PLEKHA8: variants seen among roughly 807,000 people sequenced by gnomAD.
PLEKHA8 encodes pleckstrin homology domain-containing family A member 8.
Under a neutral mutation model 68.2 loss-of-function variants are expected in PLEKHA8, and 36 were observed. The ratio of observed to expected loss-of-function variants is 0.53; its 90% CI spans 0.40 to 0.70. The LOEUF (loss-of-function observed/expected upper bound fraction) is 0.70, where lower values mean the gene tolerates loss of function less well. PLEKHA8 is among the 30% of genes least tolerant of loss of function. The pLI is 0.00. For synonymous variants in PLEKHA8, 211 were observed against 216.1 expected (o/e 0.98, Z 0.20); for missense variants, 505 against 615.4 (o/e 0.82, Z 1.90).
chr7:30,123,961 A>T (rs763895188), intron 13 of PLEKHA8, among the ~76,000 whole-genome samples: 1 of 152,212 alleles, frequency 6.6e-6, no homozygotes, highest in Non-Finnish European at 1.5e-5. Flanking sequence ...TTAACTTTAT[A>T]TACTTTTGCT....
At chr7:30,085,099 C>T (rs992306674), downstream of PLEKHA8, among the ~76,000 whole-genome samples, 1 of 151,954 alleles carries the variant, frequency 6.6e-6, no homozygotes, top group Non-Finnish European at 1.5e-5. Context: ...CATGTGCTAC[C>T]ATGTCTGACT....
downstream of PLEKHA8, chr7:30,129,959 G>A (rs192888197): frequency 2.2e-3 from 335 of 153,382 alleles, 1 homozygote; most frequent in Non-Finnish European, 3.6e-3. Flanking sequence ...CACCATCTGG[G>A]GCAGGCTTTA....
chr7:30,065,884 C>G (rs1304282668), intron 12 of PLEKHA8, among the ~76,000 whole-genome samples: 3 of 152,216 alleles, frequency 2.0e-5, no homozygotes, highest in Non-Finnish European at 4.4e-5. Context: ...TCAGCAGCAT[C>G]TTTATCACCT....
chr7:30,055,171 A>G (rs1297348072), intron 8 of PLEKHA8, 86 bp from the exon 9 acceptor site: 14 of 1,183,704 alleles, frequency 1.2e-5, no homozygotes, highest in Non-Finnish European at 1.1e-5. Context: ...ACAGAGAGGC[A>G]GCTGTGTCTA....
rs199931865 is a variant in PLEKHA8 at position 30,062,712 on chromosome 7, A to G, written c.1270A>G (p.Asn424Asp). 2 of 1,613,502 alleles carry G rather than the reference A, an allele frequency of 1.2e-6. No individual in the cohort carries two copies. The highest frequency in any genetic ancestry group is 1.7e-6 in the Non-Finnish European group (2 of 1,179,494). The change falls in exon 12 of 14, where the codon AAT becomes GAT. Residue 424 changes from asparagine (N) to aspartate (D), a missense_variant. Physicochemically the swap from Asn to Asp is conservative, Grantham distance 23 (BLOSUM62 1). Coordinates refer to ENST00000449726, the MANE Select transcript of PLEKHA8 (RefSeq NM_001197026.2). ...FLKGFLTEVK[N>D]GEKDIQTALN... ...GAAGGGATTTTTGACAGAAGTGAAAAATGGGGAGAAGGATATCCAGACAGC... is the reference window on the plus strand; with the variant it reads ...GAAGGGATTTTTGACAGAAGTGAAAGATGGGGAGAAGGATATCCAGACAGC...
chr7:30,042,851 A>G (rs145442132), intron 1 of PLEKHA8, among the ~76,000 whole-genome samples: 20 of 152,328 alleles, frequency 1.3e-4, no homozygotes, highest in African/African-American at 4.3e-4. Context: ...AACATCACCA[A>G]TAATGTCTGA....
At chr7:30,028,849 G>C in intron 1 of PLEKHA8, 47 bp downstream of exon 1, 1 of 1,249,134 alleles carries the variant, frequency 8.0e-7, no homozygotes, top group Admixed American at 4.2e-5. Flanking sequence ...CCGGTCCTTT[G>C]TCTGCGCGGC....
In PLEKHA8 at chr7:30,046,165, A is replaced by C. The variant is rs759787274; in HGVS notation, c.158-45A>C. On this transcript the variant is annotated intron_variant, in intron 2 of 13. Transcript: ENST00000449726. ...GTTGGGTGGGTTGGAGGCTACCCAG[A>C]CAGGGCTCTTCTGAGTCTCTGATCT... The C allele has an allele frequency of 2.0e-6, 3 of 1,495,526 alleles. No homozygotes were observed. The Admixed American group carries it at 6.4e-5, about 32-fold the overall frequency. The allele number at this position is 1,495,526 out of a possible 1,614,324, so 92.6% of individuals were successfully genotyped here.
intron 13 of PLEKHA8, among the ~76,000 whole-genome samples, chr7:30,115,455 T>C (rs866656618): frequency 6.6e-6 from 1 of 152,042 alleles, no homozygotes; most frequent in South Asian, 2.1e-4. Context: ...TGTATATATG[T>C]ATGCATATGT....
At position 30,052,772 on chromosome 7, in the gene PLEKHA8, A is replaced by C. The variant is rs200460717; in HGVS notation, c.702A>C (p.Glu234Asp). The C allele has an allele frequency of 6.4e-7, 1 of 1,569,582 alleles. No individual in the cohort carries two copies. The highest frequency in any genetic ancestry group is 8.6e-7 in the Non-Finnish European group (1 of 1,165,812). ...ATATGGAAATAAATGGTGAGGAAGAAATCCTAATGAAAAATAAGAATTCCT... is the reference window on the plus strand; with the variant it reads ...ATATGGAAATAAATGGTGAGGAAGACATCCTAATGAAAAATAAGAATTCCT... ...SLNMEINGEE[E>D]ILMKNKNSLY... The change falls in exon 7 of 14, where the codon GAA becomes GAC. Residue 234 changes from glutamate (E) to aspartate (D), a missense_variant. Transcript: ENST00000449726.
At chr7:30,056,308 C>CTATATATATA (rs1231941889) in intron 9 of PLEKHA8, among the ~76,000 whole-genome samples, 17 of 83,214 alleles carry the variant, frequency 2.0e-4, no homozygotes, top group Non-Finnish European at 2.7e-4. Context: ...CTCTCTCTCT[C>CTATATATATA]TCTCTATATA....
Position 30,080,668 on chromosome 7 carries a change from G to A in PLEKHA8, c.*1881G>A. 1.0e-6 allele frequency: 1 copy of A among 985,324 alleles called. No individual in the cohort carries two copies. The highest frequency in any genetic ancestry group is 1.2e-6 in the Non-Finnish European group (1 of 829,888). 61.0% of individuals were successfully genotyped at this position (985,324 alleles called of 1,614,324 possible). A position where few individuals can be genotyped will look rare whatever the true frequency, so the allele number is the denominator to read the frequency against. On this transcript the variant is annotated 3_prime_UTR_variant, in exon 14 of 14. Transcript: ENST00000449726. ...CACATGTTTTAAAGCTAGGGAGAAA[G>A]AAGGGGGGTATTAAAATGATGTTGA...
At chr7:30,113,851 A>G (rs1197782849) in intron 13 of PLEKHA8, among the ~76,000 whole-genome samples, 2 of 152,038 alleles carry the variant, frequency 1.3e-5, no homozygotes, top group Non-Finnish European at 2.9e-5. Flanking sequence ...AACTTTTAGT[A>G]GCTAGTTCTC....
At chr7:30,073,515 C>T (rs1794397316) in intron 12 of PLEKHA8, among the ~76,000 whole-genome samples, 1 of 130,472 alleles carries the variant, frequency 7.7e-6, no homozygotes, top group Non-Finnish European at 1.5e-5. Flanking sequence ...AGCTGAAGTT[C>T]AGATATATTG....
chr7:30,034,144 G>C (rs979673786), intron 1 of PLEKHA8, among the ~76,000 whole-genome samples: 3 of 145,736 alleles, frequency 2.1e-5, no homozygotes, highest in African/African-American at 7.6e-5. Context: ...GAGTACCTAG[G>C]ACTACAGGTG....
At position 30,064,978 on chromosome 7, in the gene PLEKHA8, C is replaced by T. The variant is rs929285334; in HGVS notation, c.1300+2236C>T. 1.3e-5 allele frequency among the ~76,000 whole-genome samples: 2 copies of T among 152,258 alleles called. 1 individual carries two copies. On this transcript the variant is annotated intron_variant, in intron 12 of 13. Coordinates refer to ENST00000449726, the MANE Select transcript of PLEKHA8 (RefSeq NM_001197026.2). ...CCAGCTGCTTATGGGCTTTGACCCCCCTAGACATAGAAAGGAAACAGGATA... is the reference window on the plus strand; with the variant it reads ...CCAGCTGCTTATGGGCTTTGACCCCTCTAGACATAGAAAGGAAACAGGATA...
downstream of PLEKHA8, among the ~76,000 whole-genome samples, chr7:30,085,511 A>G (rs553763344): frequency 1.3e-5 from 2 of 152,286 alleles, no homozygotes; most frequent in South Asian, 4.1e-4. Context: ...TTTTTGTCTA[A>G]ATCACTTGAT....
intron 13 of PLEKHA8, chr7:30,118,093 C>A: frequency 7.3e-7 from 1 of 1,374,452 alleles, no homozygotes; most frequent in Non-Finnish European, 9.5e-7. Flanking sequence ...GGTGACGCCT[C>A]TCTCCAGGGG....
chr7:30,129,377 C>A, exon 14 of PLEKHA8: 1 of 1,595,974 alleles, frequency 6.3e-7, no homozygotes, highest in Non-Finnish European at 8.6e-7. Flanking sequence ...AGAGCTGAAA[C>A]CCTGATGATA....
Sources: allele counts gnomAD v4.1 joint callset (sites outside exome capture counted in the v4.1 genomes callset), GRCh38; gene constraint gnomAD v4.1.1; transcripts MANE v1.5; gene names NCBI Gene and HGNC (gene_info 2026-07-23, HGNC 2026-07-21).